Variants in XDH observed in about 807,000 individuals in gnomAD.
XDH encodes the protein xanthine dehydrogenase.
Under a neutral mutation model 156.1 loss-of-function variants are expected in XDH, and 138 were observed. That is an observed-to-expected ratio of 0.88 (90% CI 0.77 to 1.02). The LOEUF (loss-of-function observed/expected upper bound fraction) is 1.02, where lower values mean the gene tolerates loss of function less well. XDH is among the 50% of genes least tolerant of loss of function. The pLI is 0.00. For synonymous variants in XDH, 669 were observed against 625.7 expected (o/e 1.07, Z -1.03); for missense variants, 1,849 against 1,684.9 (o/e 1.10, Z -1.71).
intron 19 of XDH, among the ~76,000 whole-genome samples, chr2:31,368,329 G>C (rs1410733534): frequency 6.6e-6 from 1 of 152,170 alleles, no homozygotes; most frequent in African/African-American, 2.4e-5. Context: ...TTGAGAAGGA[G>C]GAACTCAGTT....
At chr2:31,342,100 T>C (rs1225591438) in intron 32 of XDH, 83 bp downstream of exon 32, 2 of 1,265,686 alleles carry the variant, frequency 1.6e-6, no homozygotes, top group Non-Finnish European at 2.3e-6. Flanking sequence ...CCAGAAATCT[T>C]GTCTCTATCA....
chr2:31,353,106 A>G (rs1336463576), intron 24 of XDH, among the ~76,000 whole-genome samples: 1 of 152,108 alleles, frequency 6.6e-6, no homozygotes, highest in Non-Finnish European at 1.5e-5. Flanking sequence ...AACTGTAAAA[A>G]GTGGTACCAC....
intron 28 of XDH, 45 bp from the exon 29 acceptor site, chr2:31,347,695 G>A (rs1407478241): frequency 1.3e-6 from 2 of 1,597,796 alleles, no homozygotes; most frequent in Non-Finnish European, 1.7e-6. Context: ...GGGTTATCAT[G>A]GGGCTTGGCT....
At chr2:31,348,093 G>A (rs1277742581) in intron 28 of XDH, among the ~76,000 whole-genome samples, 175 bp downstream of exon 28, 1 of 152,230 alleles carries the variant, frequency 6.6e-6, no homozygotes, top group East Asian at 1.9e-4. Flanking sequence ...CCTTTGCACA[G>A]ATGAGGAAAC....
At chr2:31,343,017 T>C (rs1685166434) in intron 31 of XDH, among the ~76,000 whole-genome samples, 1 of 151,974 alleles carries the variant, frequency 6.6e-6, no homozygotes. Flanking sequence ...TGTTATTCTA[T>C]ACACTACACA....
intron 17 of XDH, among the ~76,000 whole-genome samples, chr2:31,371,963 T>G (rs577583331): frequency 6.6e-6 from 1 of 152,346 alleles, no homozygotes; most frequent in South Asian, 2.1e-4. Flanking sequence ...GTTGCTTGGC[T>G]TCAAATTCCA....
chr2:31,374,861 G>GC (rs45531939), intron 15 of XDH, among the ~76,000 whole-genome samples: 5,384 of 151,954 alleles, frequency 0.035, 111 homozygotes, highest in South Asian at 0.074. Context: ...CAGGAGCTGG[G>GC]CCCACCTCAG....
chr2:31,364,092 C>T, intron 24 of XDH, 66 bp downstream of exon 24: 1 of 1,525,108 alleles, frequency 6.6e-7, no homozygotes, highest in Non-Finnish European at 9.1e-7. Flanking sequence ...AGGCCTGTGC[C>T]TGCGTGGGAA....
chr2:31,373,041 T>G (rs1686120983), intron 16 of XDH, among the ~76,000 whole-genome samples: 1 of 152,224 alleles, frequency 6.6e-6, no homozygotes, highest in South Asian at 2.1e-4. Flanking sequence ...TATTGAGTGT[T>G]TCACCATATC....
Position 31,366,900 on chromosome 2 carries a change from A to C in XDH, c.2292T>G (p.Phe764Leu). Residue 764 changes from phenylalanine to leucine, a missense_variant, in exon 21 of 36, where the codon TTT becomes TTG. Physicochemically the swap from Phe to Leu is conservative, Grantham distance 22. Coordinates refer to ENST00000379416, the MANE Select transcript of XDH (RefSeq NM_000379.4). ...PKGEAGEMELFVSTQNTMKTQ... is the reference protein window; with the variant it reads ...PKGEAGEMELLVSTQNTMKTQ... ...TCTTCATGGTGTTCTGTGTAGACAC[A>C]AAGAGCTCCATCTCCCCTGCCTCGC... 6.2e-7 allele frequency: 1 copy of C among 1,614,192 alleles called. No individual in the cohort carries two copies. The highest frequency in any genetic ancestry group is 8.5e-7 in the Non-Finnish European group (1 of 1,180,034).
intron 6 of XDH, among the ~76,000 whole-genome samples, chr2:31,392,236 T>G (rs2147998560): frequency 6.6e-6 from 1 of 152,092 alleles, no homozygotes; most frequent in South Asian, 2.1e-4. Context: ...TCATTGATCT[T>G]TTTAAGGACC....
intron 19 of XDH, 85 bp downstream of exon 19, chr2:31,368,456 C>A: frequency 6.4e-7 from 1 of 1,560,826 alleles, no homozygotes; most frequent in Admixed American, 1.7e-5. Flanking sequence ...ACCTGCTGCT[C>A]AAATCCCCTC....
intron 21 of XDH, 146 bp downstream of exon 21, chr2:31,366,720 TGAAA>T (rs1685923724): frequency 8.0e-7 from 1 of 1,256,144 alleles, no homozygotes; most frequent in Non-Finnish European, 1.1e-6. Flanking sequence ...AGCTTGTTGG[TGAAA>T]GAGTCTGGCT....
rs2070293 is a variant in XDH at position 31,370,029 on chromosome 2, C to T, written c.1980+326G>A. On this transcript the variant is annotated intron_variant, in intron 18 of 35. Transcript: ENST00000379416. ...GGTATTGTGATTTCTAGTTAGTGTA[C>T]TAAATGTATTCTTATTTTATTTTAA... 0.45 allele frequency among the ~76,000 whole-genome samples: 69,189 copies of T among 152,080 alleles called. 16,135 individuals carry two copies. The highest frequency in any genetic ancestry group is 0.56 in the East Asian group (2,915 of 5,172).
intron 15 of XDH, among the ~76,000 whole-genome samples, 197 bp from the exon 16 acceptor site, chr2:31,374,153 C>T (rs1373266307): frequency 2.0e-5 from 3 of 152,226 alleles, no homozygotes; most frequent in African/African-American, 2.4e-5. Flanking sequence ...GCCTCAGCTT[C>T]ACTGCTAGCC....
intron 6 of XDH, among the ~76,000 whole-genome samples, chr2:31,394,142 G>T (rs1309079181): frequency 6.6e-6 from 1 of 151,950 alleles, no homozygotes; most frequent in Non-Finnish European, 1.5e-5. Context: ...CCTTTATGTA[G>T]ATCTGAGTTT....
At chr2:31,367,123 G>C in intron 20 of XDH, 129 bp from the exon 21 acceptor site, 1 of 1,507,902 alleles carries the variant, frequency 6.6e-7, no homozygotes, top group South Asian at 1.2e-5. Flanking sequence ...GTAACCTCAA[G>C]GTTTCCCACT....
Position 31,337,737 on chromosome 2 carries a change from C to T in XDH, c.3855G>A (p.Gln1285=), listed in dbSNP as rs776194706. Residue 1285 remains glutamine, a synonymous_variant, in exon 35 of 36, where the codon CAG becomes CAA. Coordinates refer to ENST00000379416, the MANE Select transcript of XDH (RefSeq NM_000379.4). The part of the protein sequence containing the change: ...IKDAIRAARA[Q]HTGNNVKELF... ...GTTCCTTCACGTTATTACCTGTGTG[C>T]TGAGCTCGAGCTGCACGGATGGCAT... is the stretch of plus-strand genomic sequence containing the variant. 6.2e-7 allele frequency: 1 copy of T among 1,614,230 alleles called. No individual in the cohort carries two copies. Among genetic ancestry groups the T allele is most frequent in the East Asian group, 2.2e-5 (1 of 44,886 alleles).
At chr2:31,411,395 TTTATA>T (rs1477634891) in intron 1 of XDH, among the ~76,000 whole-genome samples, 1 of 151,920 alleles carries the variant, frequency 6.6e-6, no homozygotes, top group Non-Finnish European at 1.5e-5. Flanking sequence ...TATATATTCA[TTTATA>T]TTAATTATGT....
Sources: allele counts gnomAD v4.1 joint callset (sites outside exome capture counted in the v4.1 genomes callset), GRCh38; gene constraint gnomAD v4.1.1; transcripts MANE v1.5; gene names NCBI Gene and HGNC (gene_info 2026-07-23, HGNC 2026-07-21).